Variants in SDC2 observed in about 807,000 individuals in gnomAD.
SDC2 encodes the protein syndecan-2.
A neutral mutation model predicts 22.2 loss-of-function variants in SDC2; 13 were observed. The ratio of observed to expected loss-of-function variants is 0.59; its 90% CI spans 0.38 to 0.93. The LOEUF (loss-of-function observed/expected upper bound fraction) is 0.93. Ranked by LOEUF, SDC2 falls within the 40% of genes least tolerant of loss-of-function variation. The pLI, the probability that SDC2 is intolerant of heterozygous loss-of-function variation, is 0.00. For missense variants in SDC2, 235 were observed against 246.8 expected (o/e 0.95, Z 0.32); for synonymous variants, 94 against 92.8 (o/e 1.01, Z -0.07).
At chr8:96,527,253 A>C (rs897699404) in intron 1 of SDC2, among the ~76,000 whole-genome samples, 3 of 152,078 alleles carry the variant, frequency 2.0e-5, no homozygotes, top group African/African-American at 7.2e-5. Context: ...GTTTGAATGC[A>C]CCCTATTTTG....
At chr8:96,600,774 C>A (rs2130649686) in intron 2 of SDC2, among the ~76,000 whole-genome samples, 1 of 152,270 alleles carries the variant, frequency 6.6e-6, no homozygotes, top group South Asian at 2.1e-4. Context: ...ACAAAGGGAC[C>A]ATGAGTTCTG....
At chr8:96,531,891 C>G (rs1013609840) in intron 1 of SDC2, among the ~76,000 whole-genome samples, 4 of 152,202 alleles carry the variant, frequency 2.6e-5, no homozygotes, top group African/African-American at 7.2e-5. Flanking sequence ...AGTTCTTTGT[C>G]TGAACCACAA....
intron 1 of SDC2, among the ~76,000 whole-genome samples, chr8:96,511,741 C>T (rs1432785541): frequency 6.6e-6 from 1 of 150,868 alleles, no homozygotes; most frequent in East Asian, 1.9e-4. Context: ...TGGAAGAGTT[C>T]AGGAGTAGTT....
At position 96,494,342 on chromosome 8, in the gene SDC2, C is replaced by A; in HGVS notation, c.60+11C>A. 6.5e-7 allele frequency: 1 copy of A among 1,540,004 alleles called. No individual in the cohort carries two copies. Among genetic ancestry groups the A allele is most frequent in the South Asian group, 1.2e-5 (1 of 83,866 alleles). On this transcript the variant is annotated intron_variant, in intron 1 of 4. Coordinates refer to ENST00000302190, the MANE Select transcript of SDC2 (RefSeq NM_002998.4). ...GTGTCGGCGGAGTCGGTGAGTGGGC[C>A]AGGCGGAGGATGCGCGCGCCGTTTA...
Position 96,572,069 on chromosome 8 carries a change from C to T in SDC2, c.61-21411C>T, listed in dbSNP as rs183593106. On this transcript the variant is annotated intron_variant, in intron 1 of 4. Coordinates refer to ENST00000302190, the MANE Select transcript of SDC2 (RefSeq NM_002998.4). ...CCATCAGTGCTGGCTCAAGCAGTCT[C>T]GTGGAGGCTGCTGCCACCCTGTTTT... Among the ~76,000 whole-genome samples the T allele has an allele frequency of 1.5e-3, 235 of 152,262 alleles. 2 individuals carry two copies. The highest frequency in any genetic ancestry group is 5.5e-3 in the African/African-American group (228 of 41,552).
At chr8:96,575,099 T>C (rs1483478840) in intron 1 of SDC2, among the ~76,000 whole-genome samples, 2 of 152,156 alleles carry the variant, frequency 1.3e-5, no homozygotes, top group Non-Finnish European at 2.9e-5. Context: ...CTGTGCAGCC[T>C]GGTTCCTAAC....
chr8:96,609,656 C>A lies in SDC2; in HGVS notation c.*108C>A. On this transcript the variant is annotated 3_prime_UTR_variant, in exon 5 of 5. Transcript: ENST00000302190. ...TTTTTGTTTTCATTAAAGAGCCATT[C>A]TGGCACTTTAATGATAAAATCCCAT... The A allele has an allele frequency of 9.0e-6, 6 of 668,724 alleles. No homozygotes were observed. The highest frequency in any genetic ancestry group is 1.1e-5 in the Non-Finnish European group (5 of 437,772). The allele number at this position is 668,724 out of a possible 1,614,324, so 41.4% of individuals were successfully genotyped here.
intron 1 of SDC2, among the ~76,000 whole-genome samples, chr8:96,517,686 C>T (rs1813422958): frequency 6.6e-6 from 1 of 151,342 alleles, no homozygotes; most frequent in Non-Finnish European, 1.5e-5. Flanking sequence ...TTCCTTTTAT[C>T]TGTATGATTT....
At chr8:96,516,900 G>C (rs1339479211) in intron 1 of SDC2, among the ~76,000 whole-genome samples, 1 of 152,148 alleles carries the variant, frequency 6.6e-6, no homozygotes, top group Non-Finnish European at 1.5e-5. Context: ...TTGTGTCCAA[G>C]TGTACAAGTT....
intron 1 of SDC2, among the ~76,000 whole-genome samples, chr8:96,532,206 G>A (rs533274058): frequency 1.3e-5 from 2 of 152,232 alleles, no homozygotes; most frequent in Admixed American, 6.5e-5. Flanking sequence ...AATGTGGGCC[G>A]TTTTCATCAC....
intron 1 of SDC2, among the ~76,000 whole-genome samples, chr8:96,558,470 C>T (rs999198602): frequency 2.6e-5 from 4 of 152,126 alleles, no homozygotes; most frequent in African/African-American, 9.7e-5. Context: ...TTCTGAATTT[C>T]ACCGTCTGAG....
chr8:96,507,079 C>T (rs114975124), intron 1 of SDC2, among the ~76,000 whole-genome samples: 2,133 of 151,140 alleles, frequency 0.014, 50 homozygotes, highest in African/African-American at 0.05. Flanking sequence ...ATAATTCTCA[C>T]TGTATTCTTT....
At chr8:96,539,694 G>T (rs1813813938) in intron 1 of SDC2, among the ~76,000 whole-genome samples, 1 of 152,194 alleles carries the variant, frequency 6.6e-6, no homozygotes, top group South Asian at 2.1e-4. Context: ...GCAATATGAC[G>T]TGAATTTAAT....
intron 1 of SDC2, among the ~76,000 whole-genome samples, chr8:96,563,555 T>C (rs916741855): frequency 6.6e-6 from 1 of 152,194 alleles, no homozygotes; most frequent in African/African-American, 2.4e-5. Context: ...GGCCTTGTTA[T>C]AGCAGGGAAC....
chr8:96,595,506 CTTT>C (rs34644065), intron 2 of SDC2, among the ~76,000 whole-genome samples: 1 of 146,102 alleles, frequency 6.8e-6, no homozygotes, highest in African/African-American at 2.5e-5. Flanking sequence ...CATGGCACCT[CTTT>C]TTTTTTTTTA....
rs760990696 is a variant in SDC2, at chr8:96,494,250, G to A, written c.-22G>A. ...TGCCCTGGTTGCAAGCAGCGGCTGG[G>A]AGCAGCCGGTCCCTGGGGAATATGC... On this transcript the variant is annotated 5_prime_UTR_variant, in exon 1 of 5. Transcript: ENST00000302190. The A allele has an allele frequency of 7.8e-6, 12 of 1,542,066 alleles. No homozygotes were observed. Among genetic ancestry groups the A allele is most frequent in the Middle Eastern group, 1.7e-4 (1 of 5,878 alleles).
chr8:96,545,252 C>G (rs1813912919), intron 1 of SDC2, among the ~76,000 whole-genome samples: 1 of 152,182 alleles, frequency 6.6e-6, no homozygotes, highest in Admixed American at 6.5e-5. Context: ...TTCAGGTTCT[C>G]TTTGTTTTAT....
At chr8:96,518,699 T>C (rs1488704062) in intron 1 of SDC2, among the ~76,000 whole-genome samples, 1 of 152,172 alleles carries the variant, frequency 6.6e-6, no homozygotes, top group Non-Finnish European at 1.5e-5. Flanking sequence ...CTGAAACTTC[T>C]TGTGAAAATG....
chr8:96,545,828 A>G (rs1813922565), intron 1 of SDC2, among the ~76,000 whole-genome samples: 1 of 152,192 alleles, frequency 6.6e-6, no homozygotes, highest in Non-Finnish European at 1.5e-5. Context: ...TATGGAATAA[A>G]AGAGGGTCTG....
Sources: allele counts gnomAD v4.1 joint callset (sites outside exome capture counted in the v4.1 genomes callset), GRCh38; gene constraint gnomAD v4.1.1; transcripts MANE v1.5; gene names NCBI Gene and HGNC (gene_info 2026-07-23, HGNC 2026-07-21).